CCNK: variants seen among roughly 807,000 people sequenced by gnomAD.
CCNK encodes the protein cyclin-K.
CCNK carries 9 observed loss-of-function variants against 65.0 expected under a neutral mutation model. The observed-to-expected ratio is 0.14, with a 90% CI of 0.08 to 0.24. CCNK has a LOEUF of 0.24. Ranked by LOEUF, CCNK falls within the 10% of genes least tolerant of loss-of-function variation. The pLI is 1.00. For missense variants in CCNK, 474 were observed against 720.0 expected (o/e 0.66, Z 3.91); for synonymous variants, 279 against 270.8 (o/e 1.03, Z -0.30).
At chr14:99,503,069 C>A in intron 8 of CCNK, 85 bp downstream of exon 8, 1 of 1,429,094 alleles carries the variant, frequency 7.0e-7, no homozygotes, top group Non-Finnish European at 9.9e-7. Flanking sequence ...TCTAAGCGAG[C>A]ACAGGGAACA....
intron 1 of CCNK, among the ~76,000 whole-genome samples, chr14:99,482,314 C>T (rs903469058): frequency 6.6e-6 from 1 of 152,186 alleles, no homozygotes; most frequent in Non-Finnish European, 1.5e-5. Context: ...AGCACAATGC[C>T]TTGCAGTTGT....
chr14:99,497,887 T>C (rs928949155), intron 4 of CCNK, among the ~76,000 whole-genome samples: 2 of 152,234 alleles, frequency 1.3e-5, no homozygotes, highest in Non-Finnish European at 2.9e-5. Context: ...TAGGAACTCA[T>C]ATTAACTATA....
intron 1 of CCNK, among the ~76,000 whole-genome samples, chr14:99,488,048 T>C (rs1310858531): frequency 6.6e-6 from 1 of 152,214 alleles, no homozygotes; most frequent in Non-Finnish European, 1.5e-5. Flanking sequence ...CCATGTTTAC[T>C]GTGTGGTTGT....
chr14:99,502,150 G>A (rs749475256), intron 6 of CCNK, 57 bp from the exon 7 acceptor site: 39 of 1,508,044 alleles, frequency 2.6e-5, no homozygotes, highest in Non-Finnish European at 3.5e-5. Flanking sequence ...CCATGCACTG[G>A]TTTAATCATA....
chr14:99,495,540 G>T lies in CCNK; in HGVS notation c.322G>T (p.Glu108Ter). 6.2e-7 allele frequency: 1 copy of T among 1,612,638 alleles called. No individual in the cohort carries two copies. The highest frequency in any genetic ancestry group is 8.5e-7 in the Non-Finnish European group (1 of 1,179,338). ...CCLFLAGKVE[E>*]TPKKCKDIIK... ...CCTCTTTCTGGCTGGGAAAGTAGAA[G>T]AAACACCAAAAAAATGTAAAGATAT... Residue 108 changes from glutamate (E) to a stop codon, truncating the protein, a stop_gained, in exon 4 of 11, where the codon GAA becomes TAA. Coordinates refer to ENST00000389879, the MANE Select transcript of CCNK (RefSeq NM_001099402.2). LOFTEE classifies it high-confidence loss of function.
rs1039844197 is a variant in CCNK, at chr14:99,510,000, C to T, written c.1118-157C>T. On this transcript the variant is annotated intron_variant, in intron 10 of 10. Transcript: ENST00000389879. ...CAGATGGTGGGGAGACATCTGGTGG[C>T]ATCAGGACATGGGGCATGGGCCCAT... The T allele has an allele frequency of 2.6e-5, 18 of 685,900 alleles. No individual in the cohort carries two copies. The East Asian group carries it at 4.4e-4, about 17-fold the overall frequency. The allele number at this position is 685,900 out of a possible 1,614,324, so 42.5% of individuals were successfully genotyped here. A position where few individuals can be genotyped will look rare whatever the true frequency, so the allele number is the denominator to read the frequency against.
intron 1 of CCNK, 112 bp from the exon 2 acceptor site, chr14:99,492,514 A>T: frequency 1.6e-6 from 1 of 606,784 alleles, no homozygotes; most frequent in Non-Finnish European, 2.8e-6. Flanking sequence ...CTGGCAATTG[A>T]CAGTGTGGTT....
chr14:99,501,643 C>A, intron 6 of CCNK: 2 of 518,628 alleles, frequency 3.9e-6, no homozygotes, highest in Non-Finnish European at 6.8e-6. Context: ...AATTTTATCA[C>A]CAGTCTGAAA....
chr14:99,505,927 A>C (rs574962080), intron 9 of CCNK: 39 of 152,416 alleles, frequency 2.6e-4, no homozygotes, highest in African/African-American at 9.1e-4. Flanking sequence ...GCTGTTGGAC[A>C]GCCCTGATGT....
rs753951143 is a variant in CCNK, at chr14:99,510,693, C to A, written c.1654C>A (p.Pro552Thr). The A allele has an allele frequency of 3.7e-5, 53 of 1,431,018 alleles. No homozygotes were observed. The highest frequency in any genetic ancestry group is 4.6e-5 in the Non-Finnish European group (50 of 1,091,452). 88.6% of individuals were successfully genotyped at this position (1,431,018 alleles called of 1,614,324 possible). A position where few individuals can be genotyped will look rare whatever the true frequency, so the allele number is the denominator to read the frequency against. The change falls in exon 11 of 11, where the codon CCT (proline) becomes ACT (threonine). Residue 552 changes from proline to threonine, a missense_variant. Transcript: ENST00000389879. ...CAGCTACCCACCTCCTGCCGTCCCC[C>A]CTGGAGGACAGCCTCCTGTGCCCCC... is the stretch of plus-strand genomic sequence containing the variant. ...PASYPPPAVPPGGQPPVPPPI... is the reference protein window; with the variant it reads ...PASYPPPAVPTGGQPPVPPPI...
chr14:99,506,517 A>G (rs1223917770), intron 9 of CCNK: 5 of 153,686 alleles, frequency 3.3e-5, no homozygotes, highest in African/African-American at 1.2e-4. Context: ...TGAGCGGCAC[A>G]TTCTTCCTGC....
chr14:99,495,919 C>T (rs765720340), intron 4 of CCNK, among the ~76,000 whole-genome samples: 1 of 152,168 alleles, frequency 6.6e-6, no homozygotes, highest in African/African-American at 2.4e-5. Flanking sequence ...TAGGACTCTG[C>T]TTCTTAAGTG....
At chr14:99,481,592 C>T in intron 1 of CCNK, 113 bp downstream of exon 1, 1 of 396,630 alleles carries the variant, frequency 2.5e-6, no homozygotes, top group Non-Finnish European at 4.4e-6. Flanking sequence ...TTTCCGGATT[C>T]TGCCTCCCTC....
At chr14:99,497,626 GTGT>G (rs1244619456) in intron 4 of CCNK, among the ~76,000 whole-genome samples, 1 of 152,210 alleles carries the variant, frequency 6.6e-6, no homozygotes, top group East Asian at 1.9e-4. Flanking sequence ...CCCATTCATG[GTGT>G]TGTTTTTCCT....
At chr14:99,497,627 T>G (rs1302933906) in intron 4 of CCNK, among the ~76,000 whole-genome samples, 1 of 152,230 alleles carries the variant, frequency 6.6e-6, no homozygotes, top group Non-Finnish European at 1.5e-5. Context: ...CCATTCATGG[T>G]GTTGTTTTTC....
intron 2 of CCNK, chr14:99,493,194 G>A: frequency 2.4e-6 from 1 of 421,898 alleles, no homozygotes; most frequent in Non-Finnish European, 4.2e-6. Flanking sequence ...CTTGAAATCT[G>A]GAGTTCGAGA....
chr14:99,498,193 T>C (rs1896741652), intron 4 of CCNK, among the ~76,000 whole-genome samples: 1 of 152,100 alleles, frequency 6.6e-6, no homozygotes, highest in African/African-American at 2.4e-5. Context: ...CCCTTTACTT[T>C]TAGCCTTTAC....
chr14:99,481,736 G>A, intron 1 of CCNK: 1 of 367,128 alleles, frequency 2.7e-6, no homozygotes, highest in Non-Finnish European at 4.8e-6. Flanking sequence ...CCCTCGCACT[G>A]GGGGGCAGTC....
intron 1 of CCNK, among the ~76,000 whole-genome samples, chr14:99,490,426 G>C (rs1896573864): frequency 6.6e-6 from 1 of 152,170 alleles, no homozygotes; most frequent in African/African-American, 2.4e-5. Flanking sequence ...TTACATTGGG[G>C]AAGCTAAGTG....
Sources: allele counts gnomAD v4.1 joint callset (sites outside exome capture counted in the v4.1 genomes callset), GRCh38; gene constraint gnomAD v4.1.1; transcripts MANE v1.5; gene names NCBI Gene and HGNC (gene_info 2026-07-23, HGNC 2026-07-21).